Variants in HPSE2 observed in about 807,000 individuals in gnomAD.
HPSE2 encodes heparanase 2 (inactive).
In HPSE2, 38 loss-of-function variants were observed where a neutral mutation model predicts 60.5. That is an observed-to-expected ratio of 0.63 (90% CI 0.48 to 0.82). HPSE2 has a LOEUF of 0.82. Ranked by LOEUF, HPSE2 falls within the 40% of genes least tolerant of loss-of-function variation. The probability of loss-of-function intolerance (pLI) is 0.00; values close to 1 mark genes in which losing one functional copy is unlikely to be tolerated. For synonymous variants in HPSE2, 295 were observed against 293.2 expected (o/e 1.01, Z -0.06); for missense variants, 713 against 740.4 (o/e 0.96, Z 0.43).
At chr10:98,908,454 C>A (rs558143651) in intron 3 of HPSE2, among the ~76,000 whole-genome samples, 1 of 151,998 alleles carries the variant, frequency 6.6e-6, no homozygotes, top group South Asian at 2.1e-4. Context: ...GAGGCTGAGG[C>A]GGGTGGATCA....
chr10:99,202,079 C>T (rs1848593716), intron 2 of HPSE2, among the ~76,000 whole-genome samples: 1 of 152,156 alleles, frequency 6.6e-6, no homozygotes, highest in Admixed American at 6.5e-5. Context: ...GGCCAGAATA[C>T]AATCTTTACC....
At chr10:98,943,800 A>T (rs1015703834) in intron 3 of HPSE2, among the ~76,000 whole-genome samples, 2 of 152,086 alleles carry the variant, frequency 1.3e-5, no homozygotes, top group Non-Finnish European at 2.9e-5. Context: ...TGATTTTCTA[A>T]ATGTATCCTC....
chr10:99,032,706 A>G (rs1042075175), intron 3 of HPSE2, among the ~76,000 whole-genome samples: 2 of 152,202 alleles, frequency 1.3e-5, no homozygotes, highest in African/African-American at 4.8e-5. Context: ...AAATCAAGGT[A>G]TTGGGAAGGC....
At chr10:98,564,165 T>C (rs567453477) in intron 9 of HPSE2, among the ~76,000 whole-genome samples, 1 of 152,280 alleles carries the variant, frequency 6.6e-6, no homozygotes, top group East Asian at 1.9e-4. Flanking sequence ...AGTGCTGTTG[T>C]CCCCACTCTC....
At chr10:98,932,372 A>C (rs759568059) in intron 3 of HPSE2, among the ~76,000 whole-genome samples, 1 of 144,240 alleles carries the variant, frequency 6.9e-6, no homozygotes, top group Non-Finnish European at 1.5e-5. Context: ...TTTGTTTGCC[A>C]GTATTTTATT....
chr10:99,158,929 T>A (rs1175890903), intron 2 of HPSE2, among the ~76,000 whole-genome samples: 1 of 152,026 alleles, frequency 6.6e-6, no homozygotes, highest in Non-Finnish European at 1.5e-5. Context: ...TGCACTAAAT[T>A]TGAATGGACT....
chr10:98,967,947 T>A (rs1454616781), intron 3 of HPSE2, among the ~76,000 whole-genome samples: 4 of 152,150 alleles, frequency 2.6e-5, no homozygotes, highest in African/African-American at 9.6e-5. Context: ...AAAAGTCTGT[T>A]ATACATATGA....
At chr10:99,163,575 G>A (rs561611395) in intron 2 of HPSE2, among the ~76,000 whole-genome samples, 1 of 152,162 alleles carries the variant, frequency 6.6e-6, no homozygotes. Flanking sequence ...TACAACCAAG[G>A]GAAATTATCA....
At chr10:98,867,997 G>A (rs1383238018) in intron 3 of HPSE2, among the ~76,000 whole-genome samples, 1 of 151,900 alleles carries the variant, frequency 6.6e-6, no homozygotes, top group South Asian at 2.1e-4. Flanking sequence ...AGGAGGTGGA[G>A]GTTGCAGTGA....
intron 2 of HPSE2, among the ~76,000 whole-genome samples, chr10:99,181,360 T>C (rs1433594143): frequency 1.5e-5 from 2 of 132,352 alleles, no homozygotes; most frequent in African/African-American, 3.1e-5. Context: ...ATCCCGCCAC[T>C]GCACTCCAGC....
At chr10:98,958,369 T>C (rs1326966564) in intron 3 of HPSE2, among the ~76,000 whole-genome samples, 1 of 151,404 alleles carries the variant, frequency 6.6e-6, no homozygotes, top group African/African-American at 2.4e-5. Flanking sequence ...TAAAAAAAAA[T>C]GCAAGGAAGA....
intron 11 of HPSE2, among the ~76,000 whole-genome samples, chr10:98,467,814 C>T (rs1404964248): frequency 6.6e-6 from 1 of 152,268 alleles, no homozygotes; most frequent in African/African-American, 2.4e-5. Flanking sequence ...CGTTGCGGTC[C>T]CGTTGGCAAG....
the HPSE2 span, among the ~76,000 whole-genome samples, chr10:99,302,287 T>G: frequency 6.6e-6 from 1 of 152,042 alleles, no homozygotes; most frequent in Non-Finnish European, 1.5e-5. Flanking sequence ...ACTCATGCTG[T>G]TAAATGGAAA....
chr10:99,135,451 AT>A (rs1845609262), intron 3 of HPSE2, among the ~76,000 whole-genome samples: 1 of 152,328 alleles, frequency 6.6e-6, no homozygotes, highest in South Asian at 2.1e-4. Flanking sequence ...TGACCACATA[AT>A]TGGAAGTAAA....
chr10:99,032,309 G>A (rs1174851274), intron 3 of HPSE2, among the ~76,000 whole-genome samples: 1 of 151,732 alleles, frequency 6.6e-6, no homozygotes, highest in Non-Finnish European at 1.5e-5. Flanking sequence ...AAGAAGGGGT[G>A]GAAAGAAAAA....
intron 2 of HPSE2, among the ~76,000 whole-genome samples, chr10:99,186,385 A>T (rs1032687573): frequency 6.6e-6 from 1 of 151,906 alleles, no homozygotes; most frequent in African/African-American, 2.4e-5. Context: ...TCTACTAAAA[A>T]TACAAAAATT....
intron 9 of HPSE2, among the ~76,000 whole-genome samples, chr10:98,582,264 T>C (rs1221042450): frequency 6.6e-6 from 1 of 152,210 alleles, no homozygotes; most frequent in Non-Finnish European, 1.5e-5. Flanking sequence ...AAGTTTTGGT[T>C]TACACTAAAA....
intron 4 of HPSE2, among the ~76,000 whole-genome samples, chr10:98,730,491 T>C (rs1019105192): frequency 4.6e-5 from 7 of 151,784 alleles, no homozygotes; most frequent in African/African-American, 7.3e-5. Context: ...TAGATATCAA[T>C]GATATTTTTA....
intron 3 of HPSE2, among the ~76,000 whole-genome samples, chr10:99,094,610 G>A (rs1347490208): frequency 8.0e-6 from 1 of 125,742 alleles, no homozygotes; most frequent in African/African-American, 3.2e-5. Context: ...AGGCTGGAGT[G>A]CAGTGGTGCC....
Sources: allele counts gnomAD v4.1 joint callset (sites outside exome capture counted in the v4.1 genomes callset), GRCh38; gene constraint gnomAD v4.1.1; transcripts MANE v1.5; gene names NCBI Gene and HGNC (gene_info 2026-07-23, HGNC 2026-07-21).